The following LPCAT1 variants were observed in gnomAD, a reference collection of about 807,000 sequenced individuals.
The protein encoded by LPCAT1 is lysophosphatidylcholine acyltransferase 1.
LPCAT1 carries 23 observed loss-of-function variants against 60.9 expected under a neutral mutation model. The ratio of observed to expected loss-of-function variants is 0.38; its 90% CI spans 0.27 to 0.53. The LOEUF is 0.53. LPCAT1 is among the 20% of genes least tolerant of loss of function. LPCAT1 has a pLI of 0.82. For missense variants in LPCAT1, 622 were observed against 723.6 expected, an observed-to-expected ratio of 0.86 and a Z score of 1.61; for synonymous variants, 340 against 301.1, an observed-to-expected ratio of 1.13 and a Z score of -1.34.
intron 8 of LPCAT1, among the ~76,000 whole-genome samples, chr5:1,478,473 C>T (rs1455773352): frequency 2.6e-5 from 4 of 152,286 alleles, no homozygotes; most frequent in Admixed American, 2.6e-4. Context: ...GCCTGTAACA[C>T]AGCCATTCAA....
chr5:1,498,861 G>A (rs1735903418), intron 2 of LPCAT1, among the ~76,000 whole-genome samples: 1 of 152,086 alleles, frequency 6.6e-6, no homozygotes, highest in South Asian at 2.1e-4. Flanking sequence ...GCAACCACAT[G>A]CCTATGCACG....
rs1009204632 is a variant in LPCAT1 at position 1,501,327 on chromosome 5, G to C, written c.278+134C>G. The C allele has an allele frequency of 3.8e-5, 48 of 1,260,710 alleles. No homozygotes were observed. The Middle Eastern group carries it at 1.1e-3, about 29-fold the overall frequency. The allele number at this position is 1,260,710 out of a possible 1,614,324, so 78.1% of individuals were successfully genotyped here. A position where few individuals can be genotyped will look rare whatever the true frequency, so the allele number is the denominator to read the frequency against. ...TCCCCACTGGCAGGGGGCAGCCCTG[G>C]TGGACGCTGGGCTCAGAAGGGAAGG... On this transcript the variant is annotated intron_variant, in intron 2 of 13. Coordinates refer to ENST00000283415, the MANE Select transcript of LPCAT1 (RefSeq NM_024830.5).
At chr5:1,518,461 C>T (rs1446299863) in intron 1 of LPCAT1, among the ~76,000 whole-genome samples, 1 of 152,240 alleles carries the variant, frequency 6.6e-6, no homozygotes. Context: ...CTGCCTCAGC[C>T]TCCTGGGTGG....
Position 1,462,513 on chromosome 5 carries a change from T to G in LPCAT1, c.*1138A>C, listed in dbSNP as rs545283680. On this transcript the variant is annotated 3_prime_UTR_variant, in exon 14 of 14. Transcript: ENST00000283415. The stretch of plus-strand genomic sequence containing the variant: ...GTGTCCGCACGGCTGTCACCAGACA[T>G]CCTCATCACCCTCCGCACCGCACAG... The G allele has an allele frequency of 1.3e-5, 2 of 152,328 alleles. No individual in the cohort carries two copies. The highest frequency in any genetic ancestry group is 3.9e-4 in the East Asian group (2 of 5,166). 9.4% of individuals were successfully genotyped at this position (152,328 alleles called of 1,614,324 possible).
At chr5:1,470,098 C>T (rs1265782641) in intron 12 of LPCAT1, among the ~76,000 whole-genome samples, 1 of 152,252 alleles carries the variant, frequency 6.6e-6, no homozygotes, top group Non-Finnish European at 1.5e-5. Flanking sequence ...CTTCTTGACT[C>T]ACACATCAGG....
Position 1,470,866 on chromosome 5 carries a change from C to T in LPCAT1, c.1238G>A (p.Arg413Gln), listed in dbSNP as rs141834134. ...GATGGTGTCCAGGGTCCGGGCCGGC[C>T]GGCAGACGACAGACAGGGCAACCAC... Reference protein sequence around the residue: ...ECVVALSVVCRPARTLDTIQL... With the variant: ...ECVVALSVVCQPARTLDTIQL... The change falls in exon 12 of 14, where the codon CGG becomes CAG. Residue 413 changes from arginine (R) to glutamine (Q), a missense_variant. This residue lies in a region of LPCAT1 where 288 missense variants were observed against 283.6 expected (regional missense o/e 1.02). Coordinates refer to ENST00000283415, the MANE Select transcript of LPCAT1 (RefSeq NM_024830.5). 342 of 1,613,500 alleles carry T rather than the reference C, an allele frequency of 2.1e-4. No homozygotes were observed. The highest frequency in any genetic ancestry group is 2.7e-4 in the Non-Finnish European group (321 of 1,180,008).
intron 2 of LPCAT1, among the ~76,000 whole-genome samples, chr5:1,498,854 A>C (rs1408975384): frequency 6.6e-6 from 1 of 152,022 alleles, no homozygotes; most frequent in Non-Finnish European, 1.5e-5. Context: ...CAGTAATGCA[A>C]CCACATGCCT....
At chr5:1,500,918 G>T (rs1273658098) in intron 2 of LPCAT1, among the ~76,000 whole-genome samples, 1 of 152,222 alleles carries the variant, frequency 6.6e-6, no homozygotes. Context: ...CTCTGCATGG[G>T]GGCCACTGAG....
At chr5:1,504,196 T>A (rs1736112372) in intron 1 of LPCAT1, among the ~76,000 whole-genome samples, 1 of 152,276 alleles carries the variant, frequency 6.6e-6, no homozygotes, top group South Asian at 2.1e-4. Context: ...CACCTTGATT[T>A]AATCCCACAA....
chr5:1,480,875 A>G lies in LPCAT1; in HGVS notation c.761+67T>C. Reference sequence around the variant, plus strand: ...CAAAAGTAACTAGCGTGCACAGCAGACCCCAAGCAGCCCCTACGTGTTCAT... The same window carrying G: ...CAAAAGTAACTAGCGTGCACAGCAGGCCCCAAGCAGCCCCTACGTGTTCAT... On this transcript the variant is annotated intron_variant, in intron 7 of 13. Coordinates refer to ENST00000283415, the MANE Select transcript of LPCAT1 (RefSeq NM_024830.5). The surrounding 1 kb of genome is among the most constrained non-coding windows in gnomAD (Gnocchi z 6.4). 1 of 1,580,874 alleles carries G rather than the reference A, an allele frequency of 6.3e-7. No individual in the cohort carries two copies. Among genetic ancestry groups the G allele is most frequent in the Non-Finnish European group, 8.7e-7 (1 of 1,150,304 alleles).
Position 1,496,391 on chromosome 5 carries a change from C to T in LPCAT1, c.279-1477G>A, listed in dbSNP as rs1735791674. ...AACTAAACTAAAAAATAAAGATGTA[C>T]TCTTCTGTGCACATGTTATTTTCCA... On this transcript the variant is annotated intron_variant, in intron 2 of 13. Transcript: ENST00000283415. The surrounding 1 kb of genome is among the most constrained non-coding windows in gnomAD (Gnocchi z 4.7). Among the ~76,000 whole-genome samples the T allele has an allele frequency of 6.6e-6, 1 of 150,480 alleles. No homozygotes were observed. Among genetic ancestry groups the T allele is most frequent in the African/African-American group, 2.5e-5 (1 of 40,728 alleles).
chr5:1,465,604 AAC>A (rs1237336591), intron 13 of LPCAT1, among the ~76,000 whole-genome samples: 3 of 148,968 alleles, frequency 2.0e-5, no homozygotes, highest in African/African-American at 5.0e-5. Context: ...CACGGTACTA[AAC>A]ACGTGCGCAC....
intron 8 of LPCAT1, chr5:1,479,326 G>A (rs1735040426): frequency 4.9e-6 from 2 of 408,072 alleles, no homozygotes; most frequent in Non-Finnish European, 9.0e-6. Flanking sequence ...AGGCTGCAGT[G>A]AGCCCATCGC....
At chr5:1,479,361 C>G (rs1330840893) in intron 8 of LPCAT1, 4 of 514,790 alleles carry the variant, frequency 7.8e-6, no homozygotes, top group Non-Finnish European at 1.4e-5. Context: ...GGCAACAGAG[C>G]AAGACAAAAT....
chr5:1,523,877 C>G lies in LPCAT1; in HGVS notation c.-33G>C. On this transcript the variant is annotated 5_prime_UTR_variant, in exon 1 of 14. Transcript: ENST00000283415. This position sits in a 1 kb window ranked among gnomAD's most constrained non-coding sequence, Gnocchi z 7.1. ...CCGTCCCGCGGCGAGCGCAGCCGAGCTGCCTGGGGCGCCGAGCGGGGCCGG... is the reference window on the plus strand; with the variant it reads ...CCGTCCCGCGGCGAGCGCAGCCGAGGTGCCTGGGGCGCCGAGCGGGGCCGG... 1 of 1,034,318 alleles carries G rather than the reference C, an allele frequency of 9.7e-7. No individual in the cohort carries two copies. The highest frequency in any genetic ancestry group is 1.2e-6 in the Non-Finnish European group (1 of 863,402). The allele number at this position is 1,034,318 out of a possible 1,614,324, so 64.1% of individuals were successfully genotyped here. A position where few individuals can be genotyped will look rare whatever the true frequency, so the allele number is the denominator to read the frequency against.
chr5:1,520,583 G>A (rs6869636), intron 1 of LPCAT1, among the ~76,000 whole-genome samples: 2,796 of 152,236 alleles, frequency 0.018, 65 homozygotes, highest in African/African-American at 0.063. Context: ...AAAATGGGCC[G>A]GGCGCGGTGG....
At chr5:1,489,702 T>C (rs1334396044) in intron 4 of LPCAT1, 44 bp downstream of exon 4, 8 of 1,412,048 alleles carry the variant, frequency 5.7e-6, no homozygotes, top group East Asian at 2.3e-5. Context: ...TTCGCATCTT[T>C]CGGAATAAAA....
chr5:1,500,742 T>G (rs967913472), intron 2 of LPCAT1, among the ~76,000 whole-genome samples: 1 of 152,208 alleles, frequency 6.6e-6, no homozygotes, highest in Non-Finnish European at 1.5e-5. Context: ...GCCTTTATGA[T>G]GCGGCAACCT....
intron 3 of LPCAT1, 110 bp from the exon 4 acceptor site, chr5:1,489,968 A>G: frequency 2.5e-6 from 2 of 787,982 alleles, no homozygotes; most frequent in Non-Finnish European, 4.5e-6. Flanking sequence ...GAGACTCCAG[A>G]TGCCCCAGGG....
Sources: allele counts gnomAD v4.1 joint callset (sites outside exome capture counted in the v4.1 genomes callset), GRCh38; gene constraint gnomAD v4.1.1; regional missense constraint gnomAD v4.1.1; non-coding constraint Gnocchi (gnomAD v3.1); transcripts MANE v1.5; gene names NCBI Gene and HGNC (gene_info 2026-07-23, HGNC 2026-07-21).